PCAT7: variants seen among roughly 807,000 people sequenced by gnomAD.
PCAT7 encodes prostate cancer associated transcript 7 (non-protein coding).
At chr9:94,567,311 C>T in intron 2 of PCAT7, 1 of 1,614,184 alleles carries the variant, frequency 6.2e-7, no homozygotes, top group Non-Finnish European at 8.5e-7. Flanking sequence ...GTGGTGGCCG[C>T]ATCAAAATAC....
intron 1 of PCAT7, chr9:94,558,791 C>G: frequency 1.4e-6 from 1 of 728,354 alleles, no homozygotes; most frequent in East Asian, 2.8e-5. Flanking sequence ...CCAAACCTGT[C>G]GTAAGCAGTT....
chr9:94,567,735 C>T (rs1326343456), intron 2 of PCAT7: 1 of 259,794 alleles, frequency 3.8e-6, no homozygotes, highest in Non-Finnish European at 7.4e-6. Flanking sequence ...TGTGTATCTC[C>T]CAAGTTCTCA....
chr9:94,574,135 T>C (rs1365678746), intron 3 of PCAT7, among the ~76,000 whole-genome samples: 1 of 152,056 alleles, frequency 6.6e-6, no homozygotes, highest in East Asian at 1.9e-4. Context: ...CAAGGCAACC[T>C]GAGATTAACA....
chr9:94,565,764 C>CATAGATGATAG (rs1426666488), intron 2 of PCAT7, among the ~76,000 whole-genome samples: 134 of 60,208 alleles, frequency 2.2e-3, no homozygotes, highest in African/African-American at 6.2e-3. Flanking sequence ...AAAATAGATA[C>CATAGATGATAG]ATAGATGATA....
At chr9:94,558,901 C>T in intron 1 of PCAT7, 3 of 1,598,304 alleles carry the variant, frequency 1.9e-6, no homozygotes, top group Non-Finnish European at 2.6e-6. Context: ...AGACAAGGTG[C>T]AAGACAAACA....
intron 1 of PCAT7, among the ~76,000 whole-genome samples, chr9:94,556,513 T>C (rs1827014625): frequency 1.3e-5 from 2 of 152,014 alleles, no homozygotes; most frequent in Non-Finnish European, 2.9e-5. Context: ...GGACAAAGGT[T>C]TTGGGTAGAT....
intron 2 of PCAT7, among the ~76,000 whole-genome samples, chr9:94,572,074 C>T (rs1466680599): frequency 6.6e-6 from 1 of 152,146 alleles, no homozygotes; most frequent in African/African-American, 2.4e-5. Context: ...GCTGGAGCGG[C>T]TGCACAACTC....
chr9:94,564,690 C>A (rs1827160554), intron 2 of PCAT7, among the ~76,000 whole-genome samples: 1 of 151,926 alleles, frequency 6.6e-6, no homozygotes, highest in Non-Finnish European at 1.5e-5. Context: ...GGGGGAGGAG[C>A]AGAAAAGATA....
chr9:94,565,676 C>A (rs1351657541), intron 2 of PCAT7, among the ~76,000 whole-genome samples: 1 of 111,032 alleles, frequency 9.0e-6, no homozygotes, highest in East Asian at 2.3e-4. Context: ...CTCTAACTTA[C>A]CTTTGCTCTA....
chr9:94,560,131 G>A (rs1816185978), intron 2 of PCAT7, among the ~76,000 whole-genome samples: 1 of 152,114 alleles, frequency 6.6e-6, no homozygotes, highest in Admixed American at 6.6e-5. Flanking sequence ...TCTCAAAAAC[G>A]AAGAAAGTGT....
chr9:94,572,641 G>T (rs1276835235), intron 2 of PCAT7, among the ~76,000 whole-genome samples: 1 of 151,988 alleles, frequency 6.6e-6, no homozygotes, highest in Non-Finnish European at 1.5e-5. Flanking sequence ...ACTCCGTCTT[G>T]TTCCTGTCTG....
chr9:94,567,799 T>C (rs1456573233), intron 2 of PCAT7: 2 of 184,340 alleles, frequency 1.1e-5, no homozygotes, highest in Non-Finnish European at 2.3e-5. Flanking sequence ...GAGGAAGAAG[T>C]TACATTGTCG....
intron 2 of PCAT7, among the ~76,000 whole-genome samples, chr9:94,559,666 G>T (rs1157774732): frequency 6.6e-6 from 1 of 152,068 alleles, no homozygotes; most frequent in Non-Finnish European, 1.5e-5. Flanking sequence ...TGTTTCAATG[G>T]TCTTGTCTTT....
chr9:94,558,843 T>A, intron 1 of PCAT7: 1 of 1,184,110 alleles, frequency 8.4e-7, no homozygotes. Flanking sequence ...ATTTACCTTT[T>A]GTATACTCAT....
At chr9:94,556,456 G>A (rs1297573903) in intron 1 of PCAT7, among the ~76,000 whole-genome samples, 1 of 152,050 alleles carries the variant, frequency 6.6e-6, no homozygotes, top group Admixed American at 6.6e-5. Context: ...GTGGTGAGAG[G>A]GAGAGGGCCA....
chr9:94,555,030 T>G (rs1826985683), upstream of PCAT7: 1 of 152,266 alleles, frequency 6.6e-6, no homozygotes, highest in Non-Finnish European at 1.5e-5. Context: ...TCTTAAGACT[T>G]GCTCTCATCC....
Position 94,564,618 on chromosome 9 carries a change from C to A in PCAT7, n.441+5466C>A, listed in dbSNP as rs546803133. On this transcript the variant is annotated intron_variant and non_coding_transcript_variant, in intron 2 of 8. Coordinates refer to ENST00000647389, the Ensembl canonical transcript of PCAT7. ...AAGTAGGAGCTAAATGATGAGAACA[C>A]ATGGACACAAAGAGGGAAACAACAG... Among the ~76,000 whole-genome samples, 86 of 152,122 alleles carry A rather than the reference C, an allele frequency of 5.7e-4. 2 individuals are homozygous for A. In the South Asian group the frequency reaches 0.017, roughly 31 times the overall value.
chr9:94,559,949 A>AC (rs763387931), intron 2 of PCAT7, among the ~76,000 whole-genome samples: 52 of 152,144 alleles, frequency 3.4e-4, no homozygotes, highest in Non-Finnish European at 6.5e-4. Context: ...AGATAGTGAG[A>AC]CCCCATCTCT....
At chr9:94,569,693 T>G (rs1326136095) in intron 2 of PCAT7, 1 of 152,324 alleles carries the variant, frequency 6.6e-6, no homozygotes, top group African/African-American at 2.4e-5. Context: ...AGACACCAGA[T>G]CCTGGTCACA....
Sources: allele counts gnomAD v4.1 joint callset (sites outside exome capture counted in the v4.1 genomes callset), GRCh38; gene constraint gnomAD v4.1.1; transcripts MANE v1.5; gene names NCBI Gene and HGNC (gene_info 2026-07-23, HGNC 2026-07-21).